Variants in SNED1 observed in about 807,000 individuals in gnomAD.
The protein encoded by SNED1 is sushi, nidogen and EGF-like domain-containing protein 1.
A neutral mutation model predicts 166.7 loss-of-function variants in SNED1; 81 were observed. That is an observed-to-expected ratio of 0.49 (90% CI 0.41 to 0.58). The LOEUF (loss-of-function observed/expected upper bound fraction) is 0.58. SNED1 is among the 20% of genes least tolerant of loss of function. SNED1 has a pLI of 0.00. For missense variants in SNED1, 1,604 were observed against 2,000.2 expected, an observed-to-expected ratio of 0.80 and a Z score of 3.78; for synonymous variants, 762 against 822.0, an observed-to-expected ratio of 0.93 and a Z score of 1.25.
intron 16 of SNED1, among the ~76,000 whole-genome samples, chr2:241,056,438 T>C (rs534453293): frequency 1.3e-5 from 2 of 150,634 alleles, no homozygotes; most frequent in East Asian, 2.0e-4. Flanking sequence ...TTGGATAGGC[T>C]TAACAAAATG....
chr2:241,021,572 T>C (rs1394878112), intron 1 of SNED1, among the ~76,000 whole-genome samples: 1 of 152,218 alleles, frequency 6.6e-6, no homozygotes, highest in Non-Finnish European at 1.5e-5. Flanking sequence ...TCATTTAACA[T>C]AGTGTTTTCA....
chr2:241,040,188 G>A lies in SNED1; in HGVS notation c.1159G>A (p.Asp387Asn), dbSNP rs1467642979. The A allele has an allele frequency of 1.3e-6, 2 of 1,591,920 alleles. No individual in the cohort carries two copies. Among genetic ancestry groups the A allele is most frequent in the Non-Finnish European group, 1.7e-6 (2 of 1,168,942 alleles). The change falls in exon 7 of 32, where the codon GAT becomes AAT. Residue 387 changes from aspartate (D) to asparagine (N), a missense_variant and splice_region_variant. Around this residue, in one of 2 missense-constraint regions of SNED1, gnomAD observed 1,237 missense variants for 1,620.8 expected, o/e 0.76. Coordinates refer to ENST00000310397, the MANE Select transcript of SNED1 (RefSeq NM_001080437.3). ...ATACACCGGAGCAGCCTGCGAGATGGGTGAGTGGCCTGGCTTCGGATTGGA... is the reference window on the plus strand; with the variant it reads ...ATACACCGGAGCAGCCTGCGAGATGAGTGAGTGGCCTGGCTTCGGATTGGA... ...AGYTGAACEM[D>N]VDDCSPDPCL...
Position 241,069,702 on chromosome 2 carries a change from G to A in SNED1, c.3308-218G>A, listed in dbSNP as rs931874312. On this transcript the variant is annotated intron_variant, in intron 23 of 31. Coordinates refer to ENST00000310397, the MANE Select transcript of SNED1 (RefSeq NM_001080437.3). This position sits in a 1 kb window ranked among gnomAD's most constrained non-coding sequence, Gnocchi z 4.9. ...GGCTTCACAGGGTGGATCCTAACCC[G>A]AGGGGAGGGTGGCAACCAGGGGCCT... Among the ~76,000 whole-genome samples, 16 of 152,106 alleles carry A rather than the reference G, an allele frequency of 1.1e-4. No individual in the cohort carries two copies. Among genetic ancestry groups the A allele is most frequent in the African/African-American group, 3.6e-4 (15 of 41,418 alleles).
chr2:241,037,357 A>G lies in SNED1; in HGVS notation c.1045+4A>G. 1 of 1,596,420 alleles carries G rather than the reference A, an allele frequency of 6.3e-7. No homozygotes were observed. Among genetic ancestry groups the G allele is most frequent in the Non-Finnish European group, 8.5e-7 (1 of 1,169,844 alleles). On this transcript the variant is annotated splice_donor_region_variant and intron_variant, in intron 6 of 31. Coordinates refer to ENST00000310397, the MANE Select transcript of SNED1 (RefSeq NM_001080437.3). Reference sequence around the variant, plus strand: ...GGGGGACCCACCTGTGAGACAGGTAAGAGGAACCCACCGGGGCCCACGGGG... The same window carrying G: ...GGGGGACCCACCTGTGAGACAGGTAGGAGGAACCCACCGGGGCCCACGGGG...
At chr2:241,085,085 G>A (rs1390281192) in intron 29 of SNED1, among the ~76,000 whole-genome samples, 1 of 151,988 alleles carries the variant, frequency 6.6e-6, no homozygotes, top group Non-Finnish European at 1.5e-5. Context: ...TAATTATGAT[G>A]TGCTTCTCGG....
At chr2:241,074,166 T>G (rs772544788) in intron 27 of SNED1, 4 of 152,298 alleles carry the variant, frequency 2.6e-5, no homozygotes, top group African/African-American at 4.8e-5. Context: ...TGTGAGCTGC[T>G]GAGCGTGGTC....
chr2:241,008,785 C>A (rs1212888588), intron 1 of SNED1, among the ~76,000 whole-genome samples: 1 of 152,250 alleles, frequency 6.6e-6, no homozygotes, highest in Non-Finnish European at 1.5e-5. Context: ...GCTCTGCGGG[C>A]CAGTCAGGGA....
intron 29 of SNED1, among the ~76,000 whole-genome samples, chr2:241,085,860 C>CTTTTTTTT (rs772995766): frequency 1.1e-4 from 9 of 79,188 alleles, no homozygotes; most frequent in Admixed American, 3.1e-4. Context: ...TCTGCGGTTT[C>CTTTTTTTT]TTTTTTTTTT....
At chr2:241,088,509 G>A in intron 31 of SNED1, 107 bp downstream of exon 31, 1 of 894,736 alleles carries the variant, frequency 1.1e-6, no homozygotes, top group Admixed American at 1.8e-5. Context: ...ACTCAGCACT[G>A]CTAAAGGAAG....
intron 16 of SNED1, among the ~76,000 whole-genome samples, chr2:241,053,842 G>A (rs751513785): frequency 2.0e-5 from 3 of 152,208 alleles, no homozygotes; most frequent in East Asian, 1.9e-4. Flanking sequence ...CCCTCTGACC[G>A]AAGCCCCTGG....
intron 1 of SNED1, among the ~76,000 whole-genome samples, chr2:241,005,997 C>G (rs969311209): frequency 1.1e-4 from 16 of 152,100 alleles, no homozygotes; most frequent in African/African-American, 3.9e-4. Context: ...TTTCTCTCCT[C>G]TCTTTTGAAG....
At chr2:241,062,230 G>A (rs1403856277) in intron 16 of SNED1, among the ~76,000 whole-genome samples, 1 of 152,144 alleles carries the variant, frequency 6.6e-6, no homozygotes, top group African/African-American at 2.4e-5. Flanking sequence ...AAGGGTACAC[G>A]GTCGGATGAG....
Position 241,081,667 on chromosome 2 carries a change from C to A in SNED1, c.3917-10C>A. On this transcript the variant is annotated splice_polypyrimidine_tract_variant and intron_variant, in intron 27 of 31. Coordinates refer to ENST00000310397, the MANE Select transcript of SNED1 (RefSeq NM_001080437.3). Reference sequence around the variant, plus strand: ...TCCAGTGACTAACCTCTCGTGACCTCTGTTTCCAGACGTCCCTGGCAACTG... The same window carrying A: ...TCCAGTGACTAACCTCTCGTGACCTATGTTTCCAGACGTCCCTGGCAACTG... 6.3e-7 allele frequency: 1 copy of A among 1,584,152 alleles called. No homozygotes were observed. The highest frequency in any genetic ancestry group is 8.6e-7 in the Non-Finnish European group (1 of 1,163,880).
Position 241,034,745 on chromosome 2 carries a change from G to A in SNED1, c.805+15G>A. On this transcript the variant is annotated intron_variant, in intron 4 of 31. Coordinates refer to ENST00000310397, the MANE Select transcript of SNED1 (RefSeq NM_001080437.3). The stretch of plus-strand genomic sequence containing the variant: ...CGGCCATACAAGTAAGAGGACAGAG[G>A]AGCAGCTTGGGGTGGGAGCGGGCTG... 6.5e-7 allele frequency: 1 copy of A among 1,535,104 alleles called. No homozygotes were observed. Among genetic ancestry groups the A allele is most frequent in the Middle Eastern group, 1.7e-4 (1 of 5,846 alleles).
chr2:241,037,907 C>T (rs1161554172), intron 6 of SNED1, among the ~76,000 whole-genome samples: 2 of 152,180 alleles, frequency 1.3e-5, no homozygotes, highest in African/African-American at 4.8e-5. Flanking sequence ...AGTCCCTCTC[C>T]ATCCTCACTG....
chr2:241,036,757 G>A (rs369766931), intron 4 of SNED1, 33 bp from the exon 5 acceptor site: 38 of 1,602,528 alleles, frequency 2.4e-5, no homozygotes, highest in East Asian at 2.0e-4. Context: ...CGGAGGCAGC[G>A]GCTGAGGCTC....
At chr2:241,057,636 A>T (rs2062099659) in intron 16 of SNED1, among the ~76,000 whole-genome samples, 1 of 151,922 alleles carries the variant, frequency 6.6e-6, no homozygotes, top group African/African-American at 2.4e-5. Flanking sequence ...GTGAGCTATG[A>T]TCATGCCACT....
Position 241,065,537 on chromosome 2 carries a change from G to T in SNED1, c.2952G>T (p.Lys984Asn). 6.2e-7 allele frequency: 1 copy of T among 1,612,910 alleles called. No individual in the cohort carries two copies. Among genetic ancestry groups the T allele is most frequent in the Non-Finnish European group, 8.5e-7 (1 of 1,179,858 alleles). ...RAYNISVFSV[K>N]RNSNNKNDIS... ...ACAACATCTCCGTCTTCTCAGTGAA[G>T]CGAAACAGTAACAACAAGAATGACA... The change falls in exon 21 of 32, where the codon AAG (lysine) becomes AAT (asparagine). Residue 984 changes from lysine (K) to asparagine (N), a missense_variant. Lys to Asn is a moderately conservative substitution (Grantham distance 94). Around this residue, in one of 2 missense-constraint regions of SNED1, gnomAD observed 1,237 missense variants for 1,620.8 expected, o/e 0.76. Coordinates refer to ENST00000310397, the MANE Select transcript of SNED1 (RefSeq NM_001080437.3).
chr2:241,016,151 G>T (rs2060580229), intron 1 of SNED1: 2 of 125,526 alleles, frequency 1.6e-5, no homozygotes, highest in South Asian at 5.7e-4. Flanking sequence ...GTAAAGCATA[G>T]CTGTGTTCCT....
Sources: allele counts gnomAD v4.1 joint callset (sites outside exome capture counted in the v4.1 genomes callset), GRCh38; gene constraint gnomAD v4.1.1; regional missense constraint gnomAD v4.1.1; non-coding constraint Gnocchi (gnomAD v3.1); transcripts MANE v1.5; gene names NCBI Gene and HGNC (gene_info 2026-07-23, HGNC 2026-07-21).